ERICH1: variants seen among roughly 807,000 people sequenced by gnomAD.
The protein encoded by ERICH1 is glutamate rich 1, also known as glutamate-rich protein 1.
A neutral mutation model predicts 39.6 loss-of-function variants in ERICH1; 56 were observed. The ratio of observed to expected loss-of-function variants is 1.41; its 90% CI spans 1.14 to 1.77. The LOEUF (loss-of-function observed/expected upper bound fraction) is 1.77, where lower values mean the gene tolerates loss of function less well. Ranked by LOEUF, ERICH1 falls within the 40% of genes most tolerant of loss-of-function variation. The probability of loss-of-function intolerance (pLI) is 0.00; values close to 1 mark genes in which losing one functional copy is unlikely to be tolerated. For missense variants in ERICH1, 826 were observed against 575.4 expected (o/e 1.44, Z -4.45); for synonymous variants, 313 against 223.6 (o/e 1.40, Z -3.57).
intron 2 of ERICH1, among the ~76,000 whole-genome samples, chr8:713,281 C>T (rs1815172001): frequency 6.6e-6 from 1 of 152,178 alleles, no homozygotes; most frequent in East Asian, 1.9e-4. Flanking sequence ...TTGCTGGTGG[C>T]GGCTGTGAGG....
Position 697,440 on chromosome 8 carries a change from T to C in ERICH1, c.170-4828A>G, listed in dbSNP as rs369962231. On this transcript the variant is annotated intron_variant, in intron 2 of 5. Coordinates refer to ENST00000262109, the MANE Select transcript of ERICH1 (RefSeq NM_207332.3). ...GATGCAACTCCGTCATCCTGCTGCA[T>C]GCCCACACCTCAGGGGTGCTGCCAG... Among the ~76,000 whole-genome samples, 155 of 152,300 alleles carry C rather than the reference T, an allele frequency of 1.0e-3. 1 individual carries two copies. The highest frequency in any genetic ancestry group is 3.6e-3 in the African/African-American group (150 of 41,578).
downstream of ERICH1, among the ~76,000 whole-genome samples, chr8:661,204 C>A (rs1035219903): frequency 6.6e-6 from 1 of 151,362 alleles, no homozygotes; most frequent in Non-Finnish European, 1.5e-5. Flanking sequence ...TGAAGAGCCC[C>A]GGGATGAGAG....
intron 2 of ERICH1, among the ~76,000 whole-genome samples, chr8:693,708 C>T (rs1278402405): frequency 6.6e-6 from 1 of 151,564 alleles, no homozygotes; most frequent in African/African-American, 2.4e-5. Flanking sequence ...TCATCACCAC[C>T]GTGGACGGCG....
intron 3 of ERICH1, among the ~76,000 whole-genome samples, chr8:622,344 G>T (rs1797335111): frequency 6.6e-6 from 1 of 152,200 alleles, no homozygotes; most frequent in East Asian, 1.9e-4. Context: ...GGCCTTTGGA[G>T]AGTGACTAGG....
rs570997850 is a variant in ERICH1 at position 664,559 on chromosome 8, G to GT, written c.*43dup. ...AGCCCATCTCACATTTGTCTTTTAA[G>GT]TTTTTTTGTTAAAGAGGAGCTGTTC... On this transcript the variant is annotated 3_prime_UTR_variant, in exon 6 of 6. Transcript: ENST00000262109. The GT allele has an allele frequency of 2.5e-6, 4 of 1,575,040 alleles. No homozygotes were observed. Among genetic ancestry groups the GT allele is most frequent in the Non-Finnish European group, 3.4e-6 (4 of 1,162,392 alleles).
chr8:687,895 G>T (rs972783781), intron 3 of ERICH1, among the ~76,000 whole-genome samples: 1 of 152,126 alleles, frequency 6.6e-6, no homozygotes, highest in South Asian at 2.1e-4. Context: ...GGCCTCCGAG[G>T]CTTCCAGCCG....
At chr8:633,856 C>T (rs985536558) in intron 3 of ERICH1, among the ~76,000 whole-genome samples, 4 of 152,202 alleles carry the variant, frequency 2.6e-5, no homozygotes, top group African/African-American at 9.7e-5. Flanking sequence ...ATGAAATTGG[C>T]CCCTACTTTA....
chr8:691,546 T>G (rs1361667417), intron 3 of ERICH1, among the ~76,000 whole-genome samples: 1 of 152,258 alleles, frequency 6.6e-6, no homozygotes, highest in Non-Finnish European at 1.5e-5. Context: ...AAGTACGCAA[T>G]GAAGCATATT....
At chr8:728,883 T>C (rs1393893329) in intron 1 of ERICH1, among the ~76,000 whole-genome samples, 1 of 152,174 alleles carries the variant, frequency 6.6e-6, no homozygotes. Context: ...AACTGTCACA[T>C]TAGCAGATTA....
At chr8:688,310 C>CCCGGCCCCTCCCCCGCCCCGCCCCGCT in intron 3 of ERICH1, among the ~76,000 whole-genome samples, 3 of 78,442 alleles carry the variant, frequency 3.8e-5, no homozygotes, top group East Asian at 2.9e-4. Flanking sequence ...GCCGCCCCGC[C>CCCGGCCCCTCCCCCGCCCCGCCCCGCT]CCGGGCCACC....
intron 2 of ERICH1, among the ~76,000 whole-genome samples, chr8:696,340 CCACT>C (rs1810268721): frequency 7.0e-5 from 2 of 28,374 alleles, no homozygotes; most frequent in African/African-American, 2.4e-4. Flanking sequence ...CTCTCACCCT[CCACT>C]CCTCTCCTTC....
chr8:712,393 TG>T (rs370303098), intron 2 of ERICH1, among the ~76,000 whole-genome samples: 42 of 152,132 alleles, frequency 2.8e-4, no homozygotes, highest in South Asian at 1.0e-3. Flanking sequence ...TATTTTATTA[TG>T]GGGGGGTGGT....
At chr8:679,897 GA>G (rs1805743927) in intron 3 of ERICH1, among the ~76,000 whole-genome samples, 1 of 51,046 alleles carries the variant, frequency 2.0e-5, no homozygotes, top group African/African-American at 1.0e-4. Flanking sequence ...GAACACAGAA[GA>G]TGCAAGAGAA....
intron 3 of ERICH1, among the ~76,000 whole-genome samples, chr8:679,480 T>A (rs1805633340): frequency 6.8e-6 from 1 of 147,900 alleles, no homozygotes; most frequent in Non-Finnish European, 1.5e-5. Flanking sequence ...CGCAGCTCTG[T>A]GAGGCCTCCA....
rs532604981 is a variant in ERICH1, at chr8:725,013, A to T, written c.22+6127T>A. 3.0e-4 allele frequency among the ~76,000 whole-genome samples: 45 copies of T among 152,214 alleles called. 1 individual carries two copies. Among genetic ancestry groups the T allele is most frequent in the Non-Finnish European group, 5.1e-4 (35 of 68,002 alleles). Reference sequence around the variant, plus strand: ...TTCGGGTGCTGTGGTTTCTCGTCCCACACCCTGACGCAGTGATGCCTGCTC... The same window carrying T: ...TTCGGGTGCTGTGGTTTCTCGTCCCTCACCCTGACGCAGTGATGCCTGCTC... On this transcript the variant is annotated intron_variant, in intron 1 of 5. Transcript: ENST00000262109.
chr8:636,071 C>A (rs1390003593), intron 3 of ERICH1, among the ~76,000 whole-genome samples: 2 of 152,218 alleles, frequency 1.3e-5, no homozygotes, highest in African/African-American at 4.8e-5. Context: ...CTCAGAGAGG[C>A]AAAAGCTGGG....
chr8:640,326 G>A (rs1221305137), intron 3 of ERICH1, among the ~76,000 whole-genome samples: 1 of 152,218 alleles, frequency 6.6e-6, no homozygotes, highest in Middle Eastern at 3.2e-3. Flanking sequence ...ACAAGCCCCA[G>A]GTGGCAGGGC....
chr8:698,216 TCCTTTTC>T (rs1810819071), intron 2 of ERICH1, among the ~76,000 whole-genome samples: 1 of 109,440 alleles, frequency 9.1e-6, no homozygotes, highest in Non-Finnish European at 2.1e-5. Context: ...TAAATCATAT[TCCTTTTC>T]TTTTTTTTTT....
intron 3 of ERICH1, among the ~76,000 whole-genome samples, chr8:688,991 A>G (rs1279945190): frequency 2.6e-5 from 4 of 152,266 alleles, no homozygotes; most frequent in Non-Finnish European, 5.9e-5. Context: ...AAAAAAGGCC[A>G]ACACTCTCCA....
Sources: allele counts gnomAD v4.1 joint callset (sites outside exome capture counted in the v4.1 genomes callset), GRCh38; gene constraint gnomAD v4.1.1; transcripts MANE v1.5; gene names NCBI Gene and HGNC (gene_info 2026-07-23, HGNC 2026-07-21).